The following MCPH1 variants were observed in gnomAD, a reference collection of about 807,000 sequenced individuals.
MCPH1 encodes microcephalin 1, also known as microcephalin.
A neutral mutation model predicts 84.5 loss-of-function variants in MCPH1; 104 were observed. The observed-to-expected ratio is 1.23, with a 90% confidence interval of 1.05 to 1.45. The LOEUF (loss-of-function observed/expected upper bound fraction) is 1.45, where lower values mean the gene tolerates loss of function less well. Ranked by LOEUF, MCPH1 falls within the 40% of genes most tolerant of loss-of-function variation. The pLI, the probability that MCPH1 is intolerant of heterozygous loss-of-function variation, is 0.00. For synonymous variants in MCPH1, 514 were observed against 366.8 expected (o/e 1.40, Z -4.58); for missense variants, 1,498 against 1,005.7 (o/e 1.49, Z -6.62).
intron 3 of MCPH1, among the ~76,000 whole-genome samples, chr8:6,423,078 C>T (rs1563184988): frequency 6.6e-6 from 1 of 151,552 alleles, no homozygotes; most frequent in Non-Finnish European, 1.5e-5. Flanking sequence ...ACCTTGGCCT[C>T]CCAAAGTGCT....
intron 4 of MCPH1, among the ~76,000 whole-genome samples, chr8:6,435,230 G>A (rs1802476712): frequency 6.6e-6 from 1 of 152,128 alleles, no homozygotes; most frequent in Non-Finnish European, 1.5e-5. Context: ...TTATTACTGT[G>A]TTGTGGTCTT....
rs932563739 is a variant in MCPH1, at chr8:6,644,510, A to C, written c.*1461A>C. On this transcript the variant is annotated 3_prime_UTR_variant, in exon 14 of 14. Coordinates refer to ENST00000344683, the MANE Select transcript of MCPH1 (RefSeq NM_024596.5). ...CTTAAGTAAAGTTTCAGGATAGTAA[A>C]TCCATGTACAAAAATCAGCATTTCC... The C allele has an allele frequency of 6.6e-6, 1 of 152,198 alleles. No homozygotes were observed. Among genetic ancestry groups the C allele is most frequent in the Non-Finnish European group, 1.5e-5 (1 of 68,050 alleles). 9.4% of individuals were successfully genotyped at this position (152,198 alleles called of 1,614,324 possible).
intron 5 of MCPH1, among the ~76,000 whole-genome samples, chr8:6,437,890 G>A (rs1267224589): frequency 1.3e-5 from 2 of 151,960 alleles, no homozygotes; most frequent in African/African-American, 2.4e-5. Flanking sequence ...CACTCCTTAC[G>A]CTGCCCTCCA....
chr8:6,590,148 T>G (rs1828324984), intron 12 of MCPH1, among the ~76,000 whole-genome samples: 1 of 151,496 alleles, frequency 6.6e-6, no homozygotes, highest in South Asian at 2.1e-4. Flanking sequence ...CTGAAAAAAG[T>G]ATTTTTGCAG....
At chr8:6,588,572 G>T (rs1011939204) in intron 12 of MCPH1, among the ~76,000 whole-genome samples, 1 of 152,206 alleles carries the variant, frequency 6.6e-6, no homozygotes, top group Non-Finnish European at 1.5e-5. Flanking sequence ...AAGTCTGGTT[G>T]AACCAGCACT....
intron 12 of MCPH1, among the ~76,000 whole-genome samples, chr8:6,596,303 C>T (rs374724579): frequency 6.6e-6 from 1 of 152,166 alleles, no homozygotes. Flanking sequence ...GTGCAGTGAG[C>T]TCTGGCGTTC....
intron 12 of MCPH1, among the ~76,000 whole-genome samples, chr8:6,524,541 T>C (rs1297162531): frequency 1.3e-5 from 2 of 152,232 alleles, no homozygotes; most frequent in Non-Finnish European, 2.9e-5. Context: ...CACTGAGTGA[T>C]AGTTGGGTTC....
intron 12 of MCPH1, among the ~76,000 whole-genome samples, chr8:6,603,003 G>A (rs765676817): frequency 9.9e-5 from 15 of 151,892 alleles, no homozygotes; most frequent in African/African-American, 3.4e-4. Context: ...GTGTGTGGCC[G>A]GTGTACTATA....
intron 13 of MCPH1, among the ~76,000 whole-genome samples, chr8:6,627,625 C>G (rs1354295102): frequency 6.6e-6 from 1 of 152,152 alleles, no homozygotes; most frequent in African/African-American, 2.4e-5. Context: ...GTGCGGTGGC[C>G]CATGCCTATA....
chr8:6,443,714 G>A (rs77016544), intron 7 of MCPH1, among the ~76,000 whole-genome samples: 16,263 of 152,268 alleles, frequency 0.11, 1,093 homozygotes, highest in Middle Eastern at 0.24. Flanking sequence ...CAAGGGCAGT[G>A]GGAGGGTCCC....
chr8:6,608,845 A>G (rs574908036), intron 12 of MCPH1, among the ~76,000 whole-genome samples: 265 of 152,246 alleles, frequency 1.7e-3, no homozygotes, highest in African/African-American at 6.4e-3. Flanking sequence ...AGCTTTAACA[A>G]TCACTAATGC....
intron 12 of MCPH1, among the ~76,000 whole-genome samples, chr8:6,537,184 G>A (rs985678901): frequency 3.3e-5 from 5 of 152,136 alleles, no homozygotes; most frequent in East Asian, 1.9e-4. Flanking sequence ...TTCATGTTTC[G>A]CAGGAATGTT....
intron 13 of MCPH1, among the ~76,000 whole-genome samples, chr8:6,623,294 C>G (rs1012983319): frequency 2.0e-5 from 3 of 152,158 alleles, no homozygotes; most frequent in African/African-American, 7.2e-5. Flanking sequence ...ACTCTAGTTT[C>G]AGCCCCTGGG....
At chr8:6,630,055 A>C (rs1797043579) in intron 13 of MCPH1, among the ~76,000 whole-genome samples, 1 of 152,186 alleles carries the variant, frequency 6.6e-6, no homozygotes, top group Non-Finnish European at 1.5e-5. Flanking sequence ...TTTTTTAGTC[A>C]ATTTTTCTTA....
chr8:6,473,371 C>T lies in MCPH1; in HGVS notation c.1936-4223C>T, dbSNP rs562392148. ...TTTGAGACGGAGTCGGGCTCTGTTGCCCAGGCTGGAGTGCAGTGGCACGAT... is the reference window on the plus strand; with the variant it reads ...TTTGAGACGGAGTCGGGCTCTGTTGTCCAGGCTGGAGTGCAGTGGCACGAT... On this transcript the variant is annotated intron_variant, in intron 9 of 13. Coordinates refer to ENST00000344683, the MANE Select transcript of MCPH1 (RefSeq NM_024596.5). Among the ~76,000 whole-genome samples, 340 of 120,702 alleles carry T rather than the reference C, an allele frequency of 2.8e-3. 1 individual carries two copies. The highest frequency in any genetic ancestry group is 0.01 in the African/African-American group (317 of 31,656). 79.2% of individuals were successfully genotyped at this position (120,702 alleles called of 152,430 possible).
At chr8:6,429,760 A>C (rs181018116) in intron 3 of MCPH1, among the ~76,000 whole-genome samples, 1 of 149,944 alleles carries the variant, frequency 6.7e-6, no homozygotes, top group Non-Finnish European at 1.5e-5. Flanking sequence ...TTAGTCCCCA[A>C]CTGCCTTTGC....
chr8:6,527,664 T>C, intron 12 of MCPH1: 1 of 1,613,652 alleles, frequency 6.2e-7, no homozygotes, highest in Non-Finnish European at 8.5e-7. Flanking sequence ...AGTCTCGTGG[T>C]CTGATTTAAT....
chr8:6,521,068 A>C (rs116560801), intron 12 of MCPH1: 3 of 723,220 alleles, frequency 4.1e-6, no homozygotes, highest in African/African-American at 1.8e-5. Context: ...TTTCATATGA[A>C]ATATATGAGA....
At chr8:6,455,865 A>G (rs985972000) in intron 9 of MCPH1, among the ~76,000 whole-genome samples, 3 of 152,194 alleles carry the variant, frequency 2.0e-5, no homozygotes, top group Non-Finnish European at 2.9e-5. Context: ...AGGCCAAAAA[A>G]GTATAATGTA....
Sources: allele counts gnomAD v4.1 joint callset (sites outside exome capture counted in the v4.1 genomes callset), GRCh38; gene constraint gnomAD v4.1.1; transcripts MANE v1.5; gene names NCBI Gene and HGNC (gene_info 2026-07-23, HGNC 2026-07-21).